PPM1L: variants seen among roughly 807,000 people sequenced by gnomAD.
PPM1L encodes protein phosphatase, Mg2+/Mn2+ dependent 1L, also known as protein phosphatase 1L.
In PPM1L, 13 loss-of-function variants were observed where a neutral mutation model predicts 31.4. The observed-to-expected ratio is 0.41, with a 90% confidence interval of 0.27 to 0.66. The LOEUF is 0.66. Among genes scored for constraint, PPM1L ranks in the 30% least tolerant of loss-of-function variants. The probability of loss-of-function intolerance (pLI) is 0.29; values close to 1 mark genes in which losing one functional copy is unlikely to be tolerated. For synonymous variants in PPM1L, 184 were observed against 175.4 expected (o/e 1.05, Z -0.39); for missense variants, 326 against 453.7 (o/e 0.72, Z 2.56).
At position 160,931,385 on chromosome 3, in the gene PPM1L, C is replaced by A. The variant is rs369095358; in HGVS notation, c.400-30351C>A. 5.9e-5 allele frequency among the ~76,000 whole-genome samples: 9 copies of A among 152,330 alleles called. 1 individual carries two copies. Among genetic ancestry groups the A allele is most frequent in the African/African-American group, 2.2e-4 (9 of 41,570 alleles). Reference sequence around the variant, plus strand: ...CTGCACCCATCACCTGGAATCCACACGTCCTCATTTATCCATTTAGTTCAT... The same window carrying A: ...CTGCACCCATCACCTGGAATCCACAAGTCCTCATTTATCCATTTAGTTCAT... On this transcript the variant is annotated intron_variant, in intron 1 of 3. Transcript: ENST00000498165.
intron 2 of PPM1L, among the ~76,000 whole-genome samples, chr3:160,967,258 A>T (rs866834260): frequency 2.0e-5 from 3 of 151,216 alleles, no homozygotes; most frequent in South Asian, 2.1e-4. Context: ...AATCCATTAA[A>T]CCTCTTTTTC....
intron 2 of PPM1L, among the ~76,000 whole-genome samples, chr3:160,995,359 C>G (rs1717279216): frequency 1.3e-5 from 2 of 152,052 alleles, no homozygotes; most frequent in African/African-American, 4.8e-5. Context: ...CTCACTCTGT[C>G]TCCCAGGCTG....
intron 1 of PPM1L, among the ~76,000 whole-genome samples, chr3:160,955,760 C>G (rs1449862784): frequency 3.3e-5 from 5 of 151,598 alleles, no homozygotes; most frequent in Admixed American, 3.3e-4. Context: ...ACGCCATTCT[C>G]CTGCCTCAGC....
At position 160,881,433 on chromosome 3, in the gene PPM1L, A is replaced by G. The variant is rs148750844; in HGVS notation, c.400-80303A>G. On this transcript the variant is annotated intron_variant, in intron 1 of 3. Coordinates refer to ENST00000498165, the MANE Select transcript of PPM1L (RefSeq NM_139245.4). ...CAGCTTGGGAACAGGGCTAGGAGAG[A>G]GGACAGTGTGAGAAAGTATGTCAAG... Among the ~76,000 whole-genome samples the G allele has an allele frequency of 7.0e-3, 1,073 of 152,246 alleles. 17 individuals carry two copies. The highest frequency in any genetic ancestry group is 0.024 in the African/African-American group (1,016 of 41,544).
intron 2 of PPM1L, among the ~76,000 whole-genome samples, chr3:160,987,533 G>A (rs187175845): frequency 6.6e-6 from 1 of 152,260 alleles, no homozygotes; most frequent in Admixed American, 6.5e-5. Context: ...GTATATACAG[G>A]GAATATGATC....
At chr3:160,862,111 C>G (rs1411470878) in intron 1 of PPM1L, among the ~76,000 whole-genome samples, 1 of 152,156 alleles carries the variant, frequency 6.6e-6, no homozygotes, top group Non-Finnish European at 1.5e-5. Flanking sequence ...GGCCATGATT[C>G]TGCCTACCAC....
intron 2 of PPM1L, among the ~76,000 whole-genome samples, chr3:160,974,404 G>A (rs1408979786): frequency 6.6e-6 from 1 of 152,054 alleles, no homozygotes; most frequent in Admixed American, 6.6e-5. Flanking sequence ...GGATGGCTGG[G>A]TCAAATGGTA....
chr3:160,878,158 T>G (rs1000086714), intron 1 of PPM1L, among the ~76,000 whole-genome samples: 5 of 152,218 alleles, frequency 3.3e-5, no homozygotes, highest in African/African-American at 1.2e-4. Context: ...TTGGCCCAGT[T>G]GGAGTGCATA....
chr3:161,004,347 G>T (rs1576776027), intron 2 of PPM1L, among the ~76,000 whole-genome samples: 1 of 122,940 alleles, frequency 8.1e-6, no homozygotes, highest in Non-Finnish European at 1.7e-5. Flanking sequence ...GGATGATGCT[G>T]GCCTCATAAA....
chr3:160,787,422 G>A (rs1711968867), intron 1 of PPM1L, among the ~76,000 whole-genome samples: 1 of 152,038 alleles, frequency 6.6e-6, no homozygotes, highest in Non-Finnish European at 1.5e-5. Flanking sequence ...GTCTGTTCAT[G>A]TCCTTTGCCC....
In PPM1L at chr3:160,906,629, A is replaced by AAGAACAGAAC. The variant is rs10688572; in HGVS notation, c.400-55102_400-55101insAGAACAGAAC. 1.4e-5 allele frequency among the ~76,000 whole-genome samples: 2 copies of AAGAACAGAAC among 141,938 alleles called. 1 individual carries two copies. The highest frequency in any genetic ancestry group is 6.5e-3 in the Middle Eastern group (2 of 308). The allele number at this position is 141,938 out of a possible 152,430, so 93.1% of individuals were successfully genotyped here. A position where few individuals can be genotyped will look rare whatever the true frequency, so the allele number is the denominator to read the frequency against. On this transcript the variant is annotated intron_variant, in intron 1 of 3. Coordinates refer to ENST00000498165, the MANE Select transcript of PPM1L (RefSeq NM_139245.4). ...AAGAAAAGAAAAGAAAAGAAAAGAA[A>AAGAACAGAAC]AGAACCCAGGCACAATTTACCTGGG... is the stretch of plus-strand genomic sequence containing the variant.
At chr3:160,976,367 A>G (rs1716576794) in intron 2 of PPM1L, among the ~76,000 whole-genome samples, 1 of 141,664 alleles carries the variant, frequency 7.1e-6, no homozygotes, top group Non-Finnish European at 1.5e-5. Context: ...CGGCTTTGGT[A>G]TCAGGATGAT....
At chr3:160,979,966 G>A (rs1370613817) in intron 2 of PPM1L, among the ~76,000 whole-genome samples, 1 of 151,992 alleles carries the variant, frequency 6.6e-6, no homozygotes, top group Non-Finnish European at 1.5e-5. Context: ...TCAATAATAA[G>A]GTCCAAGGCA....
chr3:160,935,291 G>A (rs1345155), intron 1 of PPM1L, among the ~76,000 whole-genome samples: 5,260 of 152,154 alleles, frequency 0.035, 119 homozygotes, highest in South Asian at 0.042. Flanking sequence ...ATGTAGTTTC[G>A]ATTCTGATCT....
intron 1 of PPM1L, among the ~76,000 whole-genome samples, chr3:160,774,963 A>G (rs1711529608): frequency 6.6e-6 from 1 of 152,246 alleles, no homozygotes; most frequent in African/African-American, 2.4e-5. Flanking sequence ...ATGATGTCTA[A>G]CAAATGAAAA....
chr3:160,807,413 C>T (rs1712637680), intron 1 of PPM1L, among the ~76,000 whole-genome samples: 1 of 152,154 alleles, frequency 6.6e-6, no homozygotes, highest in Admixed American at 6.5e-5. Flanking sequence ...TACCTTGCTA[C>T]ATTTTGATTT....
intron 1 of PPM1L, among the ~76,000 whole-genome samples, chr3:160,960,357 AT>A (rs1195392842): frequency 6.6e-6 from 1 of 152,128 alleles, no homozygotes; most frequent in Non-Finnish European, 1.5e-5. Context: ...TAATTTAGTT[AT>A]GTTGGGAACA....
rs974173284 is a variant in PPM1L at position 160,906,635 on chromosome 3, C to T, written c.400-55101C>T. On this transcript the variant is annotated intron_variant, in intron 1 of 3. Coordinates refer to ENST00000498165, the MANE Select transcript of PPM1L (RefSeq NM_139245.4). ...AGAAAAGAAAAGAAAAGAAAAGAAC[C>T]CAGGCACAATTTACCTGGGTGCTTC... Among the ~76,000 whole-genome samples, 4 of 95,338 alleles carry T rather than the reference C, an allele frequency of 4.2e-5. No individual in the cohort carries two copies. The East Asian group carries it at 8.9e-4, about 21-fold the overall frequency. 62.5% of individuals were successfully genotyped at this position (95,338 alleles called of 152,430 possible).
Position 160,982,345 on chromosome 3 carries a change from G to GT in PPM1L, c.574+20441dup, listed in dbSNP as rs979388090. 2.0e-5 allele frequency among the ~76,000 whole-genome samples: 3 copies of GT among 152,020 alleles called. No individual in the cohort carries two copies. In the South Asian group the frequency reaches 6.2e-4, roughly 32 times the overall value. On this transcript the variant is annotated intron_variant, in intron 2 of 3. Coordinates refer to ENST00000498165, the MANE Select transcript of PPM1L (RefSeq NM_139245.4). ...TCGACAGCTTTGAAATTTCAGATCAGTTTTTTATAGCGGCATCCTAAATGC... is the reference window on the plus strand; with the variant it reads ...TCGACAGCTTTGAAATTTCAGATCAGTTTTTTTATAGCGGCATCCTAAATGC...
Sources: allele counts gnomAD v4.1 joint callset (sites outside exome capture counted in the v4.1 genomes callset), GRCh38; gene constraint gnomAD v4.1.1; transcripts MANE v1.5; gene names NCBI Gene and HGNC (gene_info 2026-07-23, HGNC 2026-07-21).